The following MIA3 variants were observed in gnomAD, a reference collection of about 807,000 sequenced individuals.
MIA3 encodes MIA SH3 domain ER export factor 3.
Under a neutral mutation model 192.4 loss-of-function variants are expected in MIA3, and 90 were observed. The observed-to-expected ratio is 0.47, with a 90% CI of 0.39 to 0.56. MIA3 has a LOEUF of 0.56. Ranked by LOEUF, MIA3 falls within the 20% of genes least tolerant of loss-of-function variation. The probability of loss-of-function intolerance (pLI) is 0.00; values close to 1 mark genes in which losing one functional copy is unlikely to be tolerated. For missense variants in MIA3, 2,123 were observed against 2,269.4 expected, an observed-to-expected ratio of 0.94 and a Z score of 1.31; for synonymous variants, 740 against 792.8, an observed-to-expected ratio of 0.93 and a Z score of 1.12.
In MIA3 at chr1:222,665,354, G is replaced by A. The variant is rs954031048; in HGVS notation, c.5459G>A (p.Gly1820Asp). Residue 1820 changes from glycine (G) to aspartate (D), a missense_variant, in exon 28 of 28, where the codon GGC becomes GAC. Physicochemically the swap from Gly to Asp is moderately conservative, Grantham distance 94. Around this residue, in one of 3 missense-constraint regions of MIA3, gnomAD observed 762 missense variants for 856.4 expected, o/e 0.89. Coordinates refer to ENST00000344922, the MANE Select transcript of MIA3 (RefSeq NM_198551.4). Reference protein sequence around the residue: ...PPLGLREFAPGVPPGRRDLPL... With the variant: ...PPLGLREFAPDVPPGRRDLPL... ...CTAGGCTTAAGAGAATTTGCACCAG[G>A]CGTTCCACCAGGAAGACGGGACCTG... The A allele has an allele frequency of 1.2e-6, 2 of 1,613,786 alleles. No homozygotes were observed. The highest frequency in any genetic ancestry group is 2.2e-5 in the East Asian group (1 of 44,882).
chr1:222,634,263 A>G (rs1008396437), intron 6 of MIA3, among the ~76,000 whole-genome samples: 19 of 151,948 alleles, frequency 1.3e-4, no homozygotes, highest in Non-Finnish European at 2.4e-4. Context: ...AGAGGTTGCA[A>G]TTAGCTGAGA....
At chr1:222,645,499 ATGGTAAGCTT>A in intron 6 of MIA3, 45 bp from the exon 7 acceptor site, 1 of 1,503,416 alleles carries the variant, frequency 6.7e-7, no homozygotes, top group Non-Finnish European at 9.0e-7. Context: ...TGACTGCTTT[ATGGTAAGCTT>A]CTTTAAGGTT....
At chr1:222,659,388 T>C (rs2124925524) in intron 19 of MIA3, 65 bp from the exon 20 acceptor site, 3 of 1,415,168 alleles carry the variant, frequency 2.1e-6, no homozygotes, top group South Asian at 1.2e-5. Flanking sequence ...ACGGTTAACA[T>C]AGTCAGATTG....
chr1:222,655,111 C>A (rs1663649481), intron 18 of MIA3, among the ~76,000 whole-genome samples: 3 of 152,198 alleles, frequency 2.0e-5, no homozygotes, highest in Admixed American at 6.5e-5. Flanking sequence ...GTTTCACTTT[C>A]CTTTCTTTGT....
In MIA3 at chr1:222,645,556, A is replaced by G; in HGVS notation, c.3480A>G (p.Leu1160=). ...YSFMFYLTKS[L]VATLPDDVQP... The stretch of plus-strand genomic sequence containing the variant: ...CTAACATTATTTCTAACATTCAGCT[A>G]GTTGCTACATTGCCTGATGATGTTC... The change falls in exon 7 of 28, where the codon CTA becomes CTG. Residue 1160 remains leucine, a splice_region_variant and synonymous_variant. Transcript: ENST00000344922. The G allele has an allele frequency of 1.2e-6, 2 of 1,607,018 alleles. No individual in the cohort carries two copies. The highest frequency in any genetic ancestry group is 1.7e-6 in the Non-Finnish European group (2 of 1,176,126).
chr1:222,642,214 G>A (rs577274362), intron 6 of MIA3, among the ~76,000 whole-genome samples: 18 of 152,108 alleles, frequency 1.2e-4, no homozygotes, highest in East Asian at 1.9e-4. Context: ...TTTCACAGGC[G>A]TATTCATATG....
rs753648427 is a variant in MIA3, at chr1:222,662,041, T to TCA, written c.5114-15_5114-14insCA. The TCA allele has an allele frequency of 1.9e-6, 3 of 1,608,716 alleles. No individual in the cohort carries two copies. The East Asian group carries it at 6.7e-5, about 36-fold the overall frequency. On this transcript the variant is annotated splice_polypyrimidine_tract_variant and intron_variant, in intron 24 of 27. Transcript: ENST00000344922. ...CAAAAAATACATATAAGGACTCTGT[T>TCA]ATTTCTTTCTCAAGGATCAGTGGAC...
At chr1:222,633,934 T>C (rs987026912) in intron 6 of MIA3, among the ~76,000 whole-genome samples, 3 of 151,150 alleles carry the variant, frequency 2.0e-5, no homozygotes, top group Admixed American at 2.0e-4. Flanking sequence ...CACTGCAACC[T>C]CTGCCTCCTG....
chr1:222,645,751 G>T, intron 7 of MIA3, 66 bp downstream of exon 7: 1 of 1,425,488 alleles, frequency 7.0e-7, no homozygotes, highest in East Asian at 2.4e-5. Context: ...CAGTCCTTTT[G>T]TTTCTTTTTC....
At chr1:222,661,244 A>G (rs1011121782) in intron 24 of MIA3, 1 of 152,488 alleles carries the variant, frequency 6.6e-6, no homozygotes, top group African/African-American at 2.4e-5. Flanking sequence ...AAGCAAAGTC[A>G]TGACACTACT....
Position 222,629,245 on chromosome 1 carries a change from A to G in MIA3, c.2025A>G (p.Ile675Met). The G allele has an allele frequency of 6.2e-7, 1 of 1,614,242 alleles. No homozygotes were observed. Among genetic ancestry groups the G allele is most frequent in the East Asian group, 2.2e-5 (1 of 44,882 alleles). ...ATASKQMSEK[I>M]RLSEGEAKED... The stretch of plus-strand genomic sequence containing the variant: ...CCAGTAAGCAAATGAGTGAGAAGAT[A>G]AGGCTCTCTGAGGGAGAAGCCAAAG... The change falls in exon 4 of 28, where the codon ATA (isoleucine) becomes ATG (methionine). Residue 675 changes from isoleucine to methionine, a missense_variant. By Grantham distance (10) the Ile-to-Met change is conservative. This residue lies in a region of MIA3 where 1,357 missense variants were observed against 1,396.1 expected (regional missense o/e 0.97). Coordinates refer to ENST00000344922, the MANE Select transcript of MIA3 (RefSeq NM_198551.4).
At chr1:222,641,049 A>G (rs2124876584) in intron 6 of MIA3, among the ~76,000 whole-genome samples, 1 of 152,384 alleles carries the variant, frequency 6.6e-6, no homozygotes, top group Non-Finnish European at 1.5e-5. Flanking sequence ...CTAAAATTTC[A>G]AAAACTGATT....
intron 15 of MIA3, 27 bp downstream of exon 15, chr1:222,653,366 C>A (rs772695294): frequency 2.0e-6 from 3 of 1,494,128 alleles, no homozygotes; most frequent in East Asian, 2.3e-5. Flanking sequence ...GGAGGATGGA[C>A]CCCTTTTGCC....
chr1:222,641,757 T>G, intron 6 of MIA3: 1 of 559,752 alleles, frequency 1.8e-6, no homozygotes, highest in Non-Finnish European at 3.6e-6. Context: ...TCTGTACCAC[T>G]TTGAGCTGGG....
chr1:222,621,079 T>C, intron 1 of MIA3, 80 bp from the exon 2 acceptor site: 2 of 1,235,882 alleles, frequency 1.6e-6, no homozygotes, highest in East Asian at 4.9e-5. Flanking sequence ...GGGATTCTTA[T>C]ATTTCCTGAT....
In MIA3 at chr1:222,667,147, A is replaced by AGAT; in HGVS notation, c.*1529_*1531dup. 1 of 152,172 alleles carries AGAT rather than the reference A, an allele frequency of 6.6e-6. No homozygotes were observed. The highest frequency in any genetic ancestry group is 2.4e-5 in the African/African-American group (1 of 41,414). 9.4% of individuals were successfully genotyped at this position (152,172 alleles called of 1,614,324 possible). A position where few individuals can be genotyped will look rare whatever the true frequency, so the allele number is the denominator to read the frequency against. On this transcript the variant is annotated 3_prime_UTR_variant, in exon 28 of 28. Transcript: ENST00000344922. ...CTCTTTATACTAAACAACTGAAGATAGATAGTTTAGAAAGATAAGGACCTT... is the reference window on the plus strand; with the variant it reads ...CTCTTTATACTAAACAACTGAAGATAGATGATAGTTTAGAAAGATAAGGACCTT...
chr1:222,632,965 A>G, intron 5 of MIA3, 139 bp from the exon 6 acceptor site: 1 of 857,390 alleles, frequency 1.2e-6, no homozygotes, highest in Non-Finnish European at 1.9e-6. Context: ...ACCACAGTGC[A>G]CAGTAAACAT....
At chr1:222,657,720 G>A (rs564903642) in intron 18 of MIA3, among the ~76,000 whole-genome samples, 23 of 152,304 alleles carry the variant, frequency 1.5e-4, no homozygotes, top group African/African-American at 5.3e-4. Flanking sequence ...TCAGCTGTGA[G>A]CTCCATTAGT....
chr1:222,652,835 C>T (rs972026297), intron 13 of MIA3, among the ~76,000 whole-genome samples, 173 bp from the exon 14 acceptor site: 3 of 152,216 alleles, frequency 2.0e-5, no homozygotes, highest in African/African-American at 7.2e-5. Flanking sequence ...GATGTTCTCA[C>T]TACAGCTCTG....
Sources: allele counts gnomAD v4.1 joint callset (sites outside exome capture counted in the v4.1 genomes callset), GRCh38; gene constraint gnomAD v4.1.1; regional missense constraint gnomAD v4.1.1; transcripts MANE v1.5; gene names NCBI Gene and HGNC (gene_info 2026-07-23, HGNC 2026-07-21).